ITPR2: variants seen among roughly 807,000 people sequenced by gnomAD.
ITPR2 encodes inositol 1,4,5-trisphosphate receptor type 2, also known as inositol 1,4,5-trisphosphate-gated calcium channel ITPR2.
ITPR2 carries 207 observed loss-of-function variants against 317.1 expected under a neutral mutation model. That is an observed-to-expected ratio of 0.65 (90% confidence interval 0.58 to 0.73). The LOEUF (loss-of-function observed/expected upper bound fraction) is 0.73. Ranked by LOEUF, ITPR2 falls within the 30% of genes least tolerant of loss-of-function variation. The pLI, the probability that ITPR2 is intolerant of heterozygous loss-of-function variation, is 0.00. For synonymous variants in ITPR2, 1,156 were observed against 1,149.1 expected, an observed-to-expected ratio of 1.01 and a Z score of -0.12; for missense variants, 2,613 against 3,284.0, an observed-to-expected ratio of 0.80 and a Z score of 4.99.
chr12:26,457,035 G>A lies in ITPR2; in HGVS notation c.6343-13385C>T, dbSNP rs547532722. Among the ~76,000 whole-genome samples the A allele has an allele frequency of 4.5e-4, 68 of 152,238 alleles. No individual in the cohort carries two copies. The South Asian group carries it at 0.013, about 30-fold the overall frequency. The stretch of plus-strand genomic sequence containing the variant: ...TATACCAAATAATGCTCTAGGCTTT[G>A]GGGTTATAATAGTGAACAAAACAGA... On this transcript the variant is annotated intron_variant, in intron 45 of 56. Transcript: ENST00000381340.
At chr12:26,652,807 T>C (rs1434896860) in intron 21 of ITPR2, among the ~76,000 whole-genome samples, 3 of 152,238 alleles carry the variant, frequency 2.0e-5, no homozygotes, top group African/African-American at 7.2e-5. Flanking sequence ...GAGCTCTGCC[T>C]GCACAGTCCT....
At chr12:26,456,126 C>G (rs1941880012) in intron 45 of ITPR2, among the ~76,000 whole-genome samples, 1 of 152,094 alleles carries the variant, frequency 6.6e-6, no homozygotes, top group Non-Finnish European at 1.5e-5. Flanking sequence ...GGCTACATTC[C>G]CAGGAGATTA....
At chr12:26,421,674 A>C (rs529184655) in intron 49 of ITPR2, among the ~76,000 whole-genome samples, 95 of 152,356 alleles carry the variant, frequency 6.2e-4, no homozygotes, top group African/African-American at 2.1e-3. Flanking sequence ...GCAAGGGTCC[A>C]TGTGGGTGAC....
intron 42 of ITPR2, 55 bp downstream of exon 42, chr12:26,483,643 G>A (rs1942592877): frequency 7.9e-7 from 1 of 1,271,750 alleles, no homozygotes; most frequent in Non-Finnish European, 1.1e-6. Context: ...CACAAAGATT[G>A]GCTCCTTCCC....
At chr12:26,754,694 T>C (rs984419887) in intron 2 of ITPR2, among the ~76,000 whole-genome samples, 1 of 152,230 alleles carries the variant, frequency 6.6e-6, no homozygotes, top group Non-Finnish European at 1.5e-5. Context: ...TGTGAAAAAT[T>C]AATCTTGTAA....
chr12:26,474,387 AT>A (rs1942361987), intron 45 of ITPR2, among the ~76,000 whole-genome samples: 1 of 152,260 alleles, frequency 6.6e-6, no homozygotes, highest in African/African-American at 2.4e-5. Context: ...TTCTAAACAA[AT>A]TTGCATTCAA....
At chr12:26,602,125 G>T (rs1946013518) in intron 28 of ITPR2, among the ~76,000 whole-genome samples, 1 of 152,092 alleles carries the variant, frequency 6.6e-6, no homozygotes, top group Non-Finnish European at 1.5e-5. Flanking sequence ...TCTGAGTAGC[G>T]TGTAGGGACT....
chr12:26,436,651 A>G (rs536473606), intron 47 of ITPR2, among the ~76,000 whole-genome samples: 10 of 152,256 alleles, frequency 6.6e-5, no homozygotes, highest in Non-Finnish European at 1.3e-4. Context: ...TCTGTAATCT[A>G]TCTGCAGAGC....
chr12:26,616,597 T>C (rs566561955), intron 26 of ITPR2, among the ~76,000 whole-genome samples: 1 of 152,198 alleles, frequency 6.6e-6, no homozygotes, highest in Non-Finnish European at 1.5e-5. Flanking sequence ...CAATTTTTTT[T>C]AAATCGAAAA....
At position 26,337,480 on chromosome 12, in the gene ITPR2, T is replaced by C. The variant is rs1316118698; in HGVS notation, c.*1917A>G. The C allele has an allele frequency of 3.9e-5, 6 of 152,242 alleles. No homozygotes were observed. The highest frequency in any genetic ancestry group is 7.2e-5 in the African/African-American group (3 of 41,474). 9.4% of individuals were successfully genotyped at this position (152,242 alleles called of 1,614,324 possible). A position where few individuals can be genotyped will look rare whatever the true frequency, so the allele number is the denominator to read the frequency against. On this transcript the variant is annotated 3_prime_UTR_variant, in exon 57 of 57. Coordinates refer to ENST00000381340, the MANE Select transcript of ITPR2 (RefSeq NM_002223.4). Reference sequence around the variant, plus strand: ...TTTTTACCTGATACTGTTAATAGCATTGATGATCCTGGATTTTAAAGATGG... The same window carrying C: ...TTTTTACCTGATACTGTTAATAGCACTGATGATCCTGGATTTTAAAGATGG...
At chr12:26,356,152 G>A (rs1455914702) in intron 55 of ITPR2, among the ~76,000 whole-genome samples, 2 of 152,212 alleles carry the variant, frequency 1.3e-5, no homozygotes, top group Admixed American at 6.5e-5. Flanking sequence ...CTGTCTTGCT[G>A]ACTCTGGGAA....
At chr12:26,623,454 T>C (rs1293607112) in intron 24 of ITPR2, 1 of 152,206 alleles carries the variant, frequency 6.6e-6, no homozygotes, top group East Asian at 1.9e-4. Flanking sequence ...GTGGTGATGC[T>C]GGCATATTGT....
chr12:26,722,461 G>A lies in ITPR2; in HGVS notation c.461C>T (p.Ala154Val), dbSNP rs779168277. 8.1e-6 allele frequency: 13 copies of A among 1,613,008 alleles called. No individual in the cohort carries two copies. The highest frequency in any genetic ancestry group is 1.1e-5 in the Non-Finnish European group (13 of 1,179,422). Residue 154 changes from alanine (A) to valine (V), a missense_variant, in exon 5 of 57, where the codon GCA (alanine) becomes GTA (valine). Ala to Val is a moderately conservative substitution (Grantham distance 64, BLOSUM62 0). This residue lies in a region of ITPR2 where 515 missense variants were observed against 789.4 expected (regional missense o/e 0.65). Coordinates refer to ENST00000381340, the MANE Select transcript of ITPR2 (RefSeq NM_002223.4). ...ATAAAACCAAGACCCTTCATTTCCT[G>A]CAGCATCCAAGGACACACGCATGGC... ...KNAMRVSLDAAGNEGSWFYIH... is the reference protein window; with the variant it reads ...KNAMRVSLDAVGNEGSWFYIH...
chr12:26,512,203 A>G (rs888829992), intron 37 of ITPR2, among the ~76,000 whole-genome samples: 5 of 132,230 alleles, frequency 3.8e-5, no homozygotes, highest in South Asian at 5.0e-4. Flanking sequence ...AAAAAAAAAA[A>G]GCTGCAGATC....
At chr12:26,617,216 G>C (rs181722609) in intron 26 of ITPR2, among the ~76,000 whole-genome samples, 245 of 152,206 alleles carry the variant, frequency 1.6e-3, no homozygotes, top group Non-Finnish European at 2.7e-3. Context: ...GAAAAGAAGA[G>C]AGCCATAGCA....
chr12:26,814,031 TG>T (rs780846715), intron 1 of ITPR2, among the ~76,000 whole-genome samples: 3 of 152,212 alleles, frequency 2.0e-5, no homozygotes, highest in Non-Finnish European at 2.9e-5. Flanking sequence ...ACGTCACCTT[TG>T]CCATCAGAGC....
intron 32 of ITPR2, among the ~76,000 whole-genome samples, chr12:26,591,683 C>T (rs552645392): frequency 1.3e-4 from 19 of 151,106 alleles, no homozygotes; most frequent in East Asian, 5.8e-4. Context: ...AAAAAAAATA[C>T]GAAAATTAGC....
intron 32 of ITPR2, 26 bp downstream of exon 32, chr12:26,595,439 C>G (rs1440209145): frequency 1.9e-6 from 3 of 1,593,236 alleles, no homozygotes; most frequent in Non-Finnish European, 1.7e-6. Context: ...CTATTGACAC[C>G]CTTCAGTAGT....
Position 26,658,095 on chromosome 12 carries a change from T to G in ITPR2, c.1922A>C (p.Asn641Thr). The part of the protein sequence containing the change: ...LDYLSDLCVS[N>T]TTAIPVTQEL... ...TTGAGTTACAGGGATAGCAGTGGTA[T>G]TAGACACACACAGATCTGACAAATA... The change falls in exon 17 of 57, where the codon AAT becomes ACT. Residue 641 changes from asparagine (N) to threonine (T), a missense_variant. By Grantham distance (65) the Asn-to-Thr change is moderately conservative (BLOSUM62 0). Around this residue, in one of 9 missense-constraint regions of ITPR2, gnomAD observed 515 missense variants for 789.4 expected, o/e 0.65. Transcript: ENST00000381340. 2 of 1,610,208 alleles carry G rather than the reference T, an allele frequency of 1.2e-6. No individual in the cohort carries two copies. Among genetic ancestry groups the G allele is most frequent in the Non-Finnish European group, 1.7e-6 (2 of 1,178,094 alleles).
Sources: allele counts gnomAD v4.1 joint callset (sites outside exome capture counted in the v4.1 genomes callset), GRCh38; gene constraint gnomAD v4.1.1; regional missense constraint gnomAD v4.1.1; transcripts MANE v1.5; gene names NCBI Gene and HGNC (gene_info 2026-07-23, HGNC 2026-07-21).